The following CALHM4 variants were observed in gnomAD, a reference collection of about 807,000 sequenced individuals.
CALHM4 encodes calcium homeostasis modulator family member 4.
Under a neutral mutation model 13.3 loss-of-function variants are expected in CALHM4, and 16 were observed. That is an observed-to-expected ratio of 1.20 (90% confidence interval 0.81 to 1.82). The LOEUF (loss-of-function observed/expected upper bound fraction) is 1.82. CALHM4 is among the 40% of genes most tolerant of loss of function. The pLI is 0.00. For missense variants in CALHM4, 344 were observed against 374.9 expected (o/e 0.92, Z 0.68); for synonymous variants, 127 against 137.1 (o/e 0.93, Z 0.52).
intron 1 of CALHM4, among the ~76,000 whole-genome samples, chr6:116,540,685 C>A (rs541107596): frequency 6.6e-6 from 1 of 152,146 alleles, no homozygotes; most frequent in East Asian, 1.9e-4. Flanking sequence ...CTCCTGCAAG[C>A]AGAAGAGTCT....
chr6:116,542,015 A>C (rs1773494338), intron 1 of CALHM4, among the ~76,000 whole-genome samples: 1 of 152,192 alleles, frequency 6.6e-6, no homozygotes, highest in Admixed American at 6.5e-5. Flanking sequence ...ATGTGTACTC[A>C]ATTAGCTAAC....
chr6:116,554,757 T>C (rs1453656723), intron 1 of CALHM4, among the ~76,000 whole-genome samples: 1 of 152,164 alleles, frequency 6.6e-6, no homozygotes, highest in Non-Finnish European at 1.5e-5. Context: ...TTTCTGTATA[T>C]ATATATTCTT....
At chr6:116,533,811 A>T (rs1312798138) in intron 1 of CALHM4, among the ~76,000 whole-genome samples, 1 of 152,192 alleles carries the variant, frequency 6.6e-6, no homozygotes, top group Non-Finnish European at 1.5e-5. Context: ...TGTGACTGGC[A>T]GGGCATAGAA....
In CALHM4 at chr6:116,553,803, A is replaced by C. The variant is rs1390945277; in HGVS notation, c.10A>C (p.Thr4Pro). 3 of 1,549,684 alleles carry C rather than the reference A, an allele frequency of 1.9e-6. No homozygotes were observed. The African/African-American group carries it at 4.1e-5, about 21-fold the overall frequency. ...GTAACAGCTTCCCAAGATGTGCCCA[A>C]CTCTCAACAATATTGTGTCTTCTCT... is the stretch of plus-strand genomic sequence containing the variant. MCP[T>P]LNNIVSSLQR... The change falls in exon 1 of 2, where the codon ACT becomes CCT. Residue 4 changes from threonine (T) to proline (P), a missense_variant. Coordinates refer to ENST00000368596, the MANE Select transcript of CALHM4 (RefSeq NM_001366078.2).
chr6:116,533,255 T>C (rs1772853159), intron 1 of CALHM4, among the ~76,000 whole-genome samples: 1 of 152,180 alleles, frequency 6.6e-6, no homozygotes, highest in African/African-American at 2.4e-5. Flanking sequence ...GAACATAGAT[T>C]TGGTTGCAGA....
At position 116,557,996 on chromosome 6, in the gene CALHM4, A is replaced by G; in HGVS notation, c.730A>G (p.Met244Val). 2 of 1,614,184 alleles carry G rather than the reference A, an allele frequency of 1.2e-6. No homozygotes were observed. The highest frequency in any genetic ancestry group is 1.7e-6 in the Non-Finnish European group (2 of 1,180,024). Residue 244 changes from methionine (M) to valine (V), a missense_variant, in exon 2 of 2, where the codon ATG becomes GTG. Met to Val is a conservative substitution (Grantham distance 21, BLOSUM62 1). Coordinates refer to ENST00000368596, the MANE Select transcript of CALHM4 (RefSeq NM_001366078.2). The stretch of plus-strand genomic sequence containing the variant: ...AGCAGAGCAGCACTCTCGGCTCCTC[A>G]TGATGCATCGCATAAAGAAGCTATT... ...QAAEQHSRLL[M>V]MHRIKKLFGF...
At chr6:116,540,795 A>G (rs1008094405) in intron 1 of CALHM4, among the ~76,000 whole-genome samples, 1 of 152,194 alleles carries the variant, frequency 6.6e-6, no homozygotes, top group Non-Finnish European at 1.5e-5. Context: ...TAATTTTCTC[A>G]TCATTAGCTA....
chr6:116,541,896 C>G (rs990155029), intron 1 of CALHM4, among the ~76,000 whole-genome samples: 1 of 152,104 alleles, frequency 6.6e-6, no homozygotes, highest in Non-Finnish European at 1.5e-5. Flanking sequence ...GTAAGAGGCT[C>G]TCAGCAGAAG....
At chr6:116,549,433 G>A (rs989770248), upstream of CALHM4, among the ~76,000 whole-genome samples, 5 of 152,116 alleles carry the variant, frequency 3.3e-5, no homozygotes, top group African/African-American at 9.7e-5. Context: ...GATATTATGA[G>A]GTACATGGAT....
intron 1 of CALHM4, among the ~76,000 whole-genome samples, chr6:116,530,034 C>A (rs1772601749): frequency 6.6e-6 from 1 of 152,094 alleles, no homozygotes; most frequent in South Asian, 2.1e-4. Flanking sequence ...CAGCAAAATT[C>A]AAGTGTTGTG....
intron 1 of CALHM4, among the ~76,000 whole-genome samples, chr6:116,534,345 A>G (rs1453244878): frequency 3.3e-5 from 5 of 152,226 alleles, no homozygotes; most frequent in Non-Finnish European, 7.3e-5. Flanking sequence ...GGAAATCTAT[A>G]GCCCTCATGC....
chr6:116,542,788 T>G (rs1184967372), intron 1 of CALHM4, among the ~76,000 whole-genome samples: 1 of 152,074 alleles, frequency 6.6e-6, no homozygotes, highest in Admixed American at 6.6e-5. Context: ...ATTCAAACAA[T>G]AAAAATGCTA....
intron 1 of CALHM4, among the ~76,000 whole-genome samples, chr6:116,555,659 C>T (rs2115294442): frequency 6.6e-6 from 1 of 152,270 alleles, no homozygotes; most frequent in East Asian, 1.9e-4. Context: ...GGCTAATAAA[C>T]TGGATCAAGA....
At chr6:116,543,216 A>C in intron 1 of CALHM4, 1 of 943,114 alleles carries the variant, frequency 1.1e-6, no homozygotes, top group Non-Finnish European at 1.6e-6. Flanking sequence ...TGGTGAAATG[A>C]AGCAAAGGAA....
In CALHM4 at chr6:116,543,780, G is replaced by C. The variant is rs1338019058; in HGVS notation, c.-93G>C. The C allele has an allele frequency of 3.3e-6, 5 of 1,512,898 alleles. No homozygotes were observed. In the African/African-American group the frequency reaches 4.1e-5, roughly 13 times the overall value. The allele number at this position is 1,512,898 out of a possible 1,614,324, so 93.7% of individuals were successfully genotyped here. A position where few individuals can be genotyped will look rare whatever the true frequency, so the allele number is the denominator to read the frequency against. On this transcript the variant is annotated 5_prime_UTR_variant, in exon 2 of 3. Coordinates refer to the CALHM4 transcript ENST00000368597. Reference sequence around the variant, plus strand: ...ATGTTTTCAGTTGGAAGCAAGAATTGGATAAGACTTCTCAGGCGTCTGCAC... The same window carrying C: ...ATGTTTTCAGTTGGAAGCAAGAATTCGATAAGACTTCTCAGGCGTCTGCAC...
chr6:116,554,365 A>AT lies in CALHM4; in HGVS notation c.558+21dup, dbSNP rs1203142815. ...TACCAGTCACAGGTAAGTTTTTAGA[A>AT]TTTTTTTCCCTCTGCTATGTTATCC... On this transcript the variant is annotated intron_variant, in intron 1 of 1. Transcript: ENST00000368596. The AT allele has an allele frequency of 2.7e-6, 4 of 1,508,766 alleles. No individual in the cohort carries two copies. Among genetic ancestry groups the AT allele is most frequent in the Non-Finnish European group, 2.7e-6 (3 of 1,131,050 alleles). 93.5% of individuals were successfully genotyped at this position (1,508,766 alleles called of 1,614,324 possible). A position where few individuals can be genotyped will look rare whatever the true frequency, so the allele number is the denominator to read the frequency against.
At position 116,560,202 on chromosome 6, in the gene CALHM4, A is replaced by G. The variant is rs940756022; in HGVS notation, c.*1991A>G. On this transcript the variant is annotated 3_prime_UTR_variant, in exon 2 of 2. Transcript: ENST00000368596. ...TTTTTATATTCTTCTGTATTGGAAC[A>G]TACTAGTTAAATGAACACTTTCAAC... is the stretch of plus-strand genomic sequence containing the variant. 2.0e-5 allele frequency among the ~76,000 whole-genome samples: 3 copies of G among 152,204 alleles called. No homozygotes were observed. The highest frequency in any genetic ancestry group is 7.2e-5 in the African/African-American group (3 of 41,460).
At chr6:116,534,458 G>GA (rs80066793) in intron 1 of CALHM4, among the ~76,000 whole-genome samples, 8 of 150,752 alleles carry the variant, frequency 5.3e-5, no homozygotes, top group Admixed American at 3.3e-4. Flanking sequence ...AGAAGCAGAA[G>GA]AAAAAAAAAT....
At chr6:116,544,780 A>G (rs1198059212) in intron 2 of CALHM4, among the ~76,000 whole-genome samples, 2 of 152,102 alleles carry the variant, frequency 1.3e-5, no homozygotes, top group Admixed American at 6.6e-5. Context: ...AGTCACTACA[A>G]TTCTAAACAC....
Sources: allele counts gnomAD v4.1 joint callset (sites outside exome capture counted in the v4.1 genomes callset), GRCh38; gene constraint gnomAD v4.1.1; transcripts MANE v1.5; gene names NCBI Gene and HGNC (gene_info 2026-07-23, HGNC 2026-07-21).